The following DLG2 variants were observed in gnomAD, a reference collection of about 807,000 sequenced individuals.
DLG2 encodes the protein disks large homolog 2.
Under a neutral mutation model 132.5 loss-of-function variants are expected in DLG2, and 45 were observed. The ratio of observed to expected loss-of-function variants is 0.34; its 90% confidence interval spans 0.27 to 0.44. The LOEUF (loss-of-function observed/expected upper bound fraction) is 0.44. Among genes scored for constraint, DLG2 ranks in the 20% least tolerant of loss-of-function variants. DLG2 has a pLI of 1.00. For synonymous variants in DLG2, 424 were observed against 419.6 expected (o/e 1.01, Z -0.13); for missense variants, 1,045 against 1,196.9 (o/e 0.87, Z 1.87).
Position 83,641,469 on chromosome 11 carries a change from T to C in DLG2, c.1826-8144A>G, listed in dbSNP as rs1488315776. On this transcript the variant is annotated intron_variant, in intron 18 of 27. Transcript: ENST00000376104. Reference sequence around the variant, plus strand: ...ATTTCATCACCTCTTCTTTTTCTAGTTTTCCTGGGATTTCAGAGCCAGATA... The same window carrying C: ...ATTTCATCACCTCTTCTTTTTCTAGCTTTCCTGGGATTTCAGAGCCAGATA... Among the ~76,000 whole-genome samples, 6 of 152,174 alleles carry C rather than the reference T, an allele frequency of 3.9e-5. No homozygotes were observed. In the East Asian group the frequency reaches 1.2e-3, roughly 29 times the overall value.
At chr11:85,135,305 TAA>T (rs1463045248) in intron 5 of DLG2, among the ~76,000 whole-genome samples, 2 of 152,224 alleles carry the variant, frequency 1.3e-5, no homozygotes, top group Non-Finnish European at 2.9e-5. Context: ...ATAGCAACAT[TAA>T]AGACCACGTC....
In DLG2 at chr11:84,227,192, C is replaced by T. The variant is rs191071308; in HGVS notation, c.573+24046G>A. 1.7e-3 allele frequency among the ~76,000 whole-genome samples: 260 copies of T among 151,998 alleles called. 2 individuals carry two copies. The highest frequency in any genetic ancestry group is 5.9e-3 in the African/African-American group (245 of 41,448). On this transcript the variant is annotated intron_variant, in intron 8 of 27. Transcript: ENST00000376104. The stretch of plus-strand genomic sequence containing the variant: ...GGGTGAGGCTTCATGGAGGAGGTGG[C>T]ATTTCAGGAGATCCCACTCCAAAAA...
At chr11:85,060,494 C>T (rs900611300) in intron 6 of DLG2, among the ~76,000 whole-genome samples, 20 of 149,904 alleles carry the variant, frequency 1.3e-4, no homozygotes, top group African/African-American at 2.7e-4. Context: ...TATATATACA[C>T]GCATATGTAT....
At chr11:84,392,760 A>C (rs1212377658) in intron 7 of DLG2, among the ~76,000 whole-genome samples, 1 of 152,178 alleles carries the variant, frequency 6.6e-6, no homozygotes, top group Non-Finnish European at 1.5e-5. Context: ...TTGTAGTTAC[A>C]CCTTTGAAAT....
In DLG2 at chr11:83,755,865, C is replaced by T. The variant is rs1188823025; in HGVS notation, c.1825+30825G>A. Among the ~76,000 whole-genome samples, 4 of 151,492 alleles carry T rather than the reference C, an allele frequency of 2.6e-5. No homozygotes were observed. The East Asian group carries it at 7.7e-4, about 29-fold the overall frequency. On this transcript the variant is annotated intron_variant, in intron 18 of 27. Transcript: ENST00000376104. ...TTTAGGTGGTTGGCAGACTCTCTTA[C>T]TAGTTAAGGGTTTATTCCCACACGT...
intron 14 of DLG2, among the ~76,000 whole-genome samples, chr11:83,956,176 A>C (rs1019953277): frequency 1.3e-5 from 2 of 152,028 alleles, no homozygotes; most frequent in Non-Finnish European, 2.9e-5. Flanking sequence ...CGCTCAGTCA[A>C]ATTATCCGCC....
At chr11:84,124,756 T>C (rs2094088576) in intron 9 of DLG2, among the ~76,000 whole-genome samples, 1 of 152,218 alleles carries the variant, frequency 6.6e-6, no homozygotes, top group African/African-American at 2.4e-5. Flanking sequence ...ACTAGATTTA[T>C]TGTCTTTAGA....
At chr11:84,168,826 T>TACACACAC (rs145846743) in intron 8 of DLG2, among the ~76,000 whole-genome samples, 3,555 of 148,048 alleles carry the variant, frequency 0.024, 58 homozygotes, top group East Asian at 0.073. Context: ...CACACACACA[T>TACACACAC]ACACACACAC....
intron 7 of DLG2, among the ~76,000 whole-genome samples, chr11:84,255,570 C>T (rs868757373): frequency 2.0e-5 from 3 of 152,150 alleles, no homozygotes; most frequent in Non-Finnish European, 2.9e-5. Flanking sequence ...GTGATCCACA[C>T]GCCTCGGCCC....
rs4142912 is a variant in DLG2 at position 83,963,348 on chromosome 11, T to C, written c.1202-325A>G. On this transcript the variant is annotated intron_variant, in intron 13 of 27. Transcript: ENST00000376104. ...TTTCTATTGAAATAAAATGTTAGCT[T>C]TCTAATTTCAGAGCTCACATTGTTT... is the stretch of plus-strand genomic sequence containing the variant. Among the ~76,000 whole-genome samples, 123 of 152,104 alleles carry C rather than the reference T, an allele frequency of 8.1e-4. No individual in the cohort carries two copies. In the South Asian group the frequency reaches 0.012, roughly 15 times the overall value.
chr11:84,818,935 T>A (rs1161726520), intron 6 of DLG2, among the ~76,000 whole-genome samples: 1 of 151,618 alleles, frequency 6.6e-6, no homozygotes, highest in Non-Finnish European at 1.5e-5. Flanking sequence ...GGCAGTCCAT[T>A]ATCATCATTG....
At chr11:84,975,501 C>A (rs1438336101) in intron 6 of DLG2, among the ~76,000 whole-genome samples, 1 of 152,124 alleles carries the variant, frequency 6.6e-6, no homozygotes. Context: ...ATGAGAAATA[C>A]AACAAAGTGA....
chr11:84,843,552 T>G (rs1409373217), intron 6 of DLG2, among the ~76,000 whole-genome samples: 1 of 151,772 alleles, frequency 6.6e-6, no homozygotes, highest in Non-Finnish European at 1.5e-5. Flanking sequence ...CCTTGGGGAG[T>G]TGGTTCCAGG....
At chr11:85,612,753 C>T (rs921963742) in intron 2 of DLG2, among the ~76,000 whole-genome samples, 2 of 152,114 alleles carry the variant, frequency 1.3e-5, no homozygotes, top group East Asian at 3.9e-4. Context: ...CAACTAATAC[C>T]CCTACTTATA....
At chr11:85,202,844 A>G (rs2152555526) in intron 4 of DLG2, among the ~76,000 whole-genome samples, 1 of 152,040 alleles carries the variant, frequency 6.6e-6, no homozygotes, top group South Asian at 2.1e-4. Context: ...AATTCTCAAA[A>G]CAAATGAAAC....
intron 18 of DLG2, among the ~76,000 whole-genome samples, chr11:83,654,018 C>T (rs558242190): frequency 6.6e-6 from 1 of 152,186 alleles, no homozygotes; most frequent in South Asian, 2.1e-4. Flanking sequence ...CCGCGCCTGG[C>T]CAAGAATTTT....
intron 18 of DLG2, chr11:83,646,519 T>G (rs1296560670): frequency 2.6e-5 from 4 of 152,246 alleles, no homozygotes; most frequent in African/African-American, 7.2e-5. Flanking sequence ...CTTTTGGTGG[T>G]CTCTCCTCTC....
At chr11:84,224,554 T>C (rs1026933897) in intron 8 of DLG2, among the ~76,000 whole-genome samples, 9 of 152,200 alleles carry the variant, frequency 5.9e-5, no homozygotes, top group Admixed American at 3.9e-4. Context: ...CCAGGCACTT[T>C]TCTCAATATT....
At chr11:84,978,586 T>C (rs2055256520) in intron 6 of DLG2, among the ~76,000 whole-genome samples, 1 of 152,140 alleles carries the variant, frequency 6.6e-6, no homozygotes, top group South Asian at 2.1e-4. Context: ...ATTTAATAAA[T>C]GGTGCTGGGA....
Sources: gnomAD v4.1 joint callset for allele counts (sites outside exome capture counted in the v4.1 genomes callset) on GRCh38, gnomAD v4.1.1 for gene constraint, MANE v1.5 for transcripts, NCBI Gene and HGNC (gene_info 2026-07-23, HGNC 2026-07-21) for gene names.